The following EIF1AX variants were observed in gnomAD, a reference collection of about 807,000 sequenced individuals.
EIF1AX encodes the protein eukaryotic translation initiation factor 1A, X-chromosomal.
A neutral mutation model predicts 16.1 loss-of-function variants in EIF1AX; 1 was observed. The ratio of observed to expected loss-of-function variants is 0.06; its 90% CI spans 0.02 to 0.30. EIF1AX has a LOEUF of 0.30. Among genes scored for constraint, EIF1AX ranks in the 10% least tolerant of loss-of-function variants. EIF1AX has a pLI of 1.00. For synonymous variants in EIF1AX, 32 were observed against 37.3 expected, an observed-to-expected ratio of 0.86 and a Z score of 0.51; for missense variants, 11 against 109.1, an observed-to-expected ratio of 0.10 and a Z score of 4.00.
rs182026677 is a variant in EIF1AX, at chrX:20,139,255, A to C, written c.17-633T>G. On this transcript the variant is annotated intron_variant, in intron 1 of 6. Transcript: ENST00000379607. Reference sequence around the variant, plus strand: ...ATAAAGAAGATCTGTTCGGTACCCAATTTACTTTCTTTTATAATGCTGGTC... The same window carrying C: ...ATAAAGAAGATCTGTTCGGTACCCACTTTACTTTCTTTTATAATGCTGGTC... Among the ~76,000 whole-genome samples, 4 of 111,646 alleles carry C rather than the reference A, an allele frequency of 3.6e-5. No individual in the cohort carries two copies. The East Asian group carries it at 1.1e-3, about 31-fold the overall frequency.
In EIF1AX at chrX:20,133,837, T is replaced by G. The variant is rs73447106; in HGVS notation, c.255+120A>C. 2,435 of 561,938 alleles carry G rather than the reference T, an allele frequency of 4.3e-3. 43 individuals are homozygous for G. The African/African-American group carries it at 0.05, about 11-fold the overall frequency. The allele number at this position is 561,938 out of a possible 1,213,427, so 46.3% of individuals were successfully genotyped here. On this transcript the variant is annotated intron_variant, in intron 4 of 6. Transcript: ENST00000379607. ...CCCCTAGAATAATGGCTCCCAGATTTTGATTTAAACATAAATCCCTGGGAT... is the reference window on the plus strand; with the variant it reads ...CCCCTAGAATAATGGCTCCCAGATTGTGATTTAAACATAAATCCCTGGGAT...
At chrX:20,137,703 G>A (rs2067021565) in intron 2 of EIF1AX, among the ~76,000 whole-genome samples, 1 of 111,564 alleles carries the variant, frequency 9.0e-6, no homozygotes, top group African/African-American at 3.3e-5. Flanking sequence ...TGTAGTTTAC[G>A]AAGTTATATG....
At chrX:20,131,920 A>G (rs1284965264) in intron 5 of EIF1AX, among the ~76,000 whole-genome samples, 1 of 108,494 alleles carries the variant, frequency 9.2e-6, no homozygotes. Context: ...GAATTTTAAT[A>G]GATACTATAA....
rs145529347 is a variant in EIF1AX at position 20,138,524 on chromosome X, T to C, written c.100+15A>G. 361 of 1,158,034 alleles carry C rather than the reference T, an allele frequency of 3.1e-4. 4 individuals carry two copies. In the African/African-American group the frequency reaches 5.2e-3, roughly 17 times the overall value. ...GGATGTTATTTTAAAAAGCGTAATT[T>C]ATGAAAACACTTACCCTGACCATCC... On this transcript the variant is annotated intron_variant, in intron 2 of 6. Transcript: ENST00000379607.
chrX:20,130,485 A>G (rs2066998218), intron 6 of EIF1AX, 31 bp downstream of exon 6: 3 of 1,155,079 alleles, frequency 2.6e-6, no homozygotes, highest in Non-Finnish European at 2.3e-6. Context: ...ATAATAACAA[A>G]AATTGGAAAA....
intron 4 of EIF1AX, among the ~76,000 whole-genome samples, chrX:20,132,742 T>C (rs921655206): frequency 8.9e-6 from 1 of 112,294 alleles, no homozygotes; most frequent in Non-Finnish European, 1.9e-5. Context: ...AGCTTTTATA[T>C]CTTCTGAAGA....
chrX:20,128,569 C>T (rs2066991999), intron 6 of EIF1AX, among the ~76,000 whole-genome samples: 1 of 111,763 alleles, frequency 8.9e-6, no homozygotes, highest in Non-Finnish European at 1.9e-5. Context: ...ATTTTTGTAT[C>T]TCATGGATGG....
intron 5 of EIF1AX, among the ~76,000 whole-genome samples, chrX:20,131,175 T>C (rs1452373916): frequency 5.4e-5 from 6 of 112,024 alleles, no homozygotes; most frequent in African/African-American, 1.9e-4. Context: ...GTCAAGTACA[T>C]TTCCCCTTTG....
chrX:20,130,754 G>A (rs778755481), intron 5 of EIF1AX, 147 bp from the exon 6 acceptor site: 1 of 489,181 alleles, frequency 2.0e-6, no homozygotes, highest in South Asian at 8.6e-5. Context: ...AAGTCAAGAT[G>A]GGAGTATCTG....
intron 6 of EIF1AX, among the ~76,000 whole-genome samples, chrX:20,129,030 T>C (rs1298462105): frequency 9.0e-6 from 1 of 110,935 alleles, no homozygotes; most frequent in Non-Finnish European, 1.9e-5. Flanking sequence ...AGCTCTTATT[T>C]ACCAAAGAAT....
chrX:20,131,956 A>T (rs1303323247), intron 5 of EIF1AX, among the ~76,000 whole-genome samples: 2 of 108,681 alleles, frequency 1.8e-5, no homozygotes, highest in Non-Finnish European at 3.8e-5. Flanking sequence ...AGTTAGCATT[A>T]TGTGGAAGTC....
Position 20,129,840 on chromosome X carries a change from G to C in EIF1AX, c.429+676C>G, listed in dbSNP as rs1485435104. Among the ~76,000 whole-genome samples the C allele has an allele frequency of 2.7e-5, 3 of 112,194 alleles. No individual in the cohort carries two copies. In the East Asian group the frequency reaches 8.3e-4, roughly 31 times the overall value. ...ACACACTAATATTTCAATTAAAAAGGCATGTTCCTTTGATAAGATCTATTT... is the reference window on the plus strand; with the variant it reads ...ACACACTAATATTTCAATTAAAAAGCCATGTTCCTTTGATAAGATCTATTT... On this transcript the variant is annotated intron_variant, in intron 6 of 6. Transcript: ENST00000379607.
At chrX:20,137,919 C>T (rs1255808003) in intron 2 of EIF1AX, among the ~76,000 whole-genome samples, 1 of 107,571 alleles carries the variant, frequency 9.3e-6, no homozygotes, top group African/African-American at 3.4e-5. Flanking sequence ...TTTGGGAGGT[C>T]ATGGTGGGAG....
intron 1 of EIF1AX, 75 bp from the exon 2 acceptor site, chrX:20,138,697 T>C: frequency 1.3e-6 from 1 of 747,673 alleles, no homozygotes. Flanking sequence ...AAAATGAAAT[T>C]AAGGCTTATA....
chrX:20,130,506 A>T lies in EIF1AX; in HGVS notation c.429+10T>A. 8.4e-7 allele frequency: 1 copy of T among 1,187,232 alleles called. No homozygotes were observed. On this transcript the variant is annotated intron_variant, in intron 6 of 6. Transcript: ENST00000379607. Reference sequence around the variant, plus strand: ...ACAAAAATTGGAAAACACAAGGTACATCTACTTACGTCATCAATATCTTCA... The same window carrying T: ...ACAAAAATTGGAAAACACAAGGTACTTCTACTTACGTCATCAATATCTTCA...
At chrX:20,140,465 ATTT>A (rs950650501) in intron 1 of EIF1AX, 2 of 112,393 alleles carry the variant, frequency 1.8e-5, no homozygotes, top group African/African-American at 6.5e-5. Flanking sequence ...AGACTTTAAA[ATTT>A]TTTGTTTATA....
intron 6 of EIF1AX, 59 bp from the exon 7 acceptor site, chrX:20,128,370 A>G: frequency 1.9e-6 from 2 of 1,044,901 alleles, no homozygotes; most frequent in East Asian, 3.1e-5. Context: ...CCAACAGTCT[A>G]CTCCATATAT....
At chrX:20,138,098 A>G (rs1351078075) in intron 2 of EIF1AX, among the ~76,000 whole-genome samples, 1 of 92,592 alleles carries the variant, frequency 1.1e-5, no homozygotes, top group Non-Finnish European at 2.0e-5. Flanking sequence ...TCCGCCTCCC[A>G]GGTTCAAACA....
At chrX:20,130,302 CAAAAAAAAAAAAAAAA>C (rs773734086) in intron 6 of EIF1AX, among the ~76,000 whole-genome samples, 198 bp downstream of exon 6, 121 of 28,485 alleles carry the variant, frequency 4.2e-3, no homozygotes, top group African/African-American at 0.013. Flanking sequence ...AACTCCATCA[CAAAAAAAAAAAAAAAA>C]AAAAAAAAAA....
Sources: gnomAD v4.1 joint callset for allele counts (sites outside exome capture counted in the v4.1 genomes callset) on GRCh38, gnomAD v4.1.1 for gene constraint, MANE v1.5 for transcripts, NCBI Gene and HGNC (gene_info 2026-07-23, HGNC 2026-07-21) for gene names.